MBNL1: variants seen among roughly 807,000 people sequenced by gnomAD.
MBNL1 encodes muscleblind-like protein 1.
A neutral mutation model predicts 42.2 loss-of-function variants in MBNL1; 8 were observed. The ratio of observed to expected loss-of-function variants is 0.19; its 90% confidence interval spans 0.11 to 0.34. MBNL1 has a LOEUF of 0.34. Among genes scored for constraint, MBNL1 ranks in the 10% least tolerant of loss-of-function variants. The pLI is 1.00. For synonymous variants in MBNL1, 169 were observed against 173.9 expected, an observed-to-expected ratio of 0.97 and a Z score of 0.22; for missense variants, 309 against 495.3, an observed-to-expected ratio of 0.62 and a Z score of 3.57.
At chr3:152,375,683 T>C (rs1163658059) in intron 2 of MBNL1, among the ~76,000 whole-genome samples, 1 of 152,026 alleles carries the variant, frequency 6.6e-6, no homozygotes, top group African/African-American at 2.4e-5. Flanking sequence ...AGCCAGGTCT[T>C]CGATGTGTGC....
At chr3:152,331,793 C>A (rs542297483) in intron 2 of MBNL1, among the ~76,000 whole-genome samples, 1 of 151,990 alleles carries the variant, frequency 6.6e-6, no homozygotes, top group Non-Finnish European at 1.5e-5. Context: ...TGAGTTCAAG[C>A]GATTCTTCAG....
intron 2 of MBNL1, among the ~76,000 whole-genome samples, chr3:152,306,786 C>G (rs2063377693): frequency 6.6e-6 from 1 of 152,052 alleles, no homozygotes; most frequent in South Asian, 2.1e-4. Flanking sequence ...TTAAGTAAAT[C>G]TCTCTGGAAA....
upstream of MBNL1, chr3:152,263,972 G>A (rs1427131321): frequency 2.0e-5 from 3 of 151,196 alleles, no homozygotes; most frequent in Non-Finnish European, 4.4e-5. Context: ...CCACTGCTTT[G>A]AATGCTCTTT....
intron 3 of MBNL1, among the ~76,000 whole-genome samples, chr3:152,429,818 C>T (rs573207520): frequency 6.6e-6 from 1 of 151,430 alleles, no homozygotes; most frequent in African/African-American, 2.4e-5. Flanking sequence ...GTGTGTCTGT[C>T]TGTCTGTCTG....
chr3:152,421,927 A>G (rs1325196342), intron 3 of MBNL1, among the ~76,000 whole-genome samples: 2 of 152,250 alleles, frequency 1.3e-5, no homozygotes, highest in Non-Finnish European at 2.9e-5. Flanking sequence ...CTCCTGAAGG[A>G]AGCACTGAAT....
At chr3:152,379,055 T>C (rs2097059943) in intron 2 of MBNL1, among the ~76,000 whole-genome samples, 1 of 152,192 alleles carries the variant, frequency 6.6e-6, no homozygotes, top group South Asian at 2.1e-4. Context: ...CTGAATACTC[T>C]ATCAACTATA....
chr3:152,361,999 G>C (rs1039153526), intron 2 of MBNL1, among the ~76,000 whole-genome samples: 1 of 152,152 alleles, frequency 6.6e-6, no homozygotes, highest in Non-Finnish European at 1.5e-5. Context: ...ATTGCTGCCT[G>C]AAAGACAGAA....
At chr3:152,352,922 A>G (rs1340230402) in intron 2 of MBNL1, among the ~76,000 whole-genome samples, 3 of 152,196 alleles carry the variant, frequency 2.0e-5, no homozygotes, top group Non-Finnish European at 4.4e-5. Context: ...AGGGAGGTGC[A>G]TGGATGTAAA....
At chr3:152,431,404 A>G (rs2099005325) in intron 3 of MBNL1, among the ~76,000 whole-genome samples, 1 of 152,168 alleles carries the variant, frequency 6.6e-6, no homozygotes, top group African/African-American at 2.4e-5. Context: ...TGAATAGAGG[A>G]TATATTTTAT....
intron 2 of MBNL1, among the ~76,000 whole-genome samples, chr3:152,403,878 A>G (rs1365965051): frequency 3.4e-5 from 5 of 145,314 alleles, no homozygotes; most frequent in Non-Finnish European, 7.6e-5. Flanking sequence ...GGTCATAGGC[A>G]GGGGGGTGGG....
chr3:152,324,735 C>A (rs1248244380), intron 2 of MBNL1, among the ~76,000 whole-genome samples: 2 of 152,038 alleles, frequency 1.3e-5, no homozygotes, highest in African/African-American at 4.8e-5. Context: ...ATACCAATTG[C>A]CAACTGAGTA....
intron 1 of MBNL1, among the ~76,000 whole-genome samples, chr3:152,283,249 CTCTT>C: frequency 6.6e-6 from 1 of 152,306 alleles, no homozygotes; most frequent in Middle Eastern, 3.4e-3. Flanking sequence ...ATTACCTTCT[CTCTT>C]CTGAAACCTA....
intron 4 of MBNL1, among the ~76,000 whole-genome samples, chr3:152,442,367 A>C (rs926392899): frequency 1.3e-5 from 2 of 152,244 alleles, no homozygotes; most frequent in African/African-American, 2.4e-5. Context: ...TGTTGAGCAT[A>C]AAAGATCACC....
intron 2 of MBNL1, among the ~76,000 whole-genome samples, chr3:152,410,198 T>G (rs1017652856): frequency 6.6e-6 from 1 of 152,128 alleles, no homozygotes; most frequent in African/African-American, 2.4e-5. Flanking sequence ...AATCATACAT[T>G]TATTTGGAGG....
chr3:152,379,690 A>C (rs573209866), intron 2 of MBNL1, among the ~76,000 whole-genome samples: 2 of 152,166 alleles, frequency 1.3e-5, no homozygotes, highest in African/African-American at 4.8e-5. Context: ...AATTGCTGCA[A>C]ATATTGTTGT....
chr3:152,327,210 TTTTG>T (rs1327491221), intron 2 of MBNL1, among the ~76,000 whole-genome samples: 4 of 152,138 alleles, frequency 2.6e-5, no homozygotes, highest in Non-Finnish European at 5.9e-5. Flanking sequence ...TTTCCTTCCT[TTTTG>T]TTTATCATTA....
At chr3:152,314,633 C>T (rs1413120270) in intron 2 of MBNL1, among the ~76,000 whole-genome samples, 1 of 152,170 alleles carries the variant, frequency 6.6e-6, no homozygotes, top group African/African-American at 2.4e-5. Context: ...TCTCAGCCTC[C>T]CAAAGTGCTG....
At chr3:152,337,687 C>T (rs1334000005) in intron 2 of MBNL1, among the ~76,000 whole-genome samples, 2 of 150,902 alleles carry the variant, frequency 1.3e-5, no homozygotes, top group African/African-American at 2.4e-5. Context: ...TTCTGTCCTT[C>T]CTCTTCTTTA....
intron 3 of MBNL1, among the ~76,000 whole-genome samples, chr3:152,431,577 A>G (rs2099007170): frequency 6.6e-6 from 1 of 150,826 alleles, no homozygotes; most frequent in South Asian, 2.1e-4. Context: ...ATACATTCTA[A>G]TGTCTCTTTT....
Sources: allele counts gnomAD v4.1 joint callset (sites outside exome capture counted in the v4.1 genomes callset), GRCh38; gene constraint gnomAD v4.1.1; transcripts MANE v1.5; gene names NCBI Gene and HGNC (gene_info 2026-07-23, HGNC 2026-07-21).